Variants in ADAM12 observed in about 807,000 individuals in gnomAD.
ADAM12 encodes disintegrin and metalloproteinase domain-containing protein 12.
Under a neutral mutation model 106.4 loss-of-function variants are expected in ADAM12, and 70 were observed. The observed-to-expected ratio is 0.66, with a 90% CI of 0.54 to 0.80. ADAM12 has a LOEUF of 0.80. Among genes scored for constraint, ADAM12 ranks in the 30% least tolerant of loss-of-function variants. ADAM12 has a pLI of 0.00. For synonymous variants in ADAM12, 420 were observed against 433.5 expected, an observed-to-expected ratio of 0.97 and a Z score of 0.39; for missense variants, 1,010 against 1,171.9, an observed-to-expected ratio of 0.86 and a Z score of 2.02.
At chr10:126,020,992 C>CAAA (rs3067295) in intron 21 of ADAM12, among the ~76,000 whole-genome samples, 1,585 of 98,224 alleles carry the variant, frequency 0.016, 50 homozygotes, top group African/African-American at 0.028. Flanking sequence ...GACTCTGTCT[C>CAAA]AAAAAAAAAA....
intron 4 of ADAM12, among the ~76,000 whole-genome samples, chr10:126,141,697 G>C (rs11244833): frequency 0.21 from 32,538 of 152,124 alleles, 3,661 homozygotes; most frequent in South Asian, 0.3. Flanking sequence ...CAGTGGACTA[G>C]AAGGAAAGGC....
intron 1 of ADAM12, 62 bp downstream of exon 1, chr10:126,387,996 A>G: frequency 8.4e-7 from 1 of 1,186,714 alleles, no homozygotes; most frequent in Non-Finnish European, 1.0e-6. Context: ...CGGCGCGCCC[A>G]GGCGCAGCGT....
At chr10:126,307,624 T>G (rs1960907440) in intron 2 of ADAM12, among the ~76,000 whole-genome samples, 1 of 152,148 alleles carries the variant, frequency 6.6e-6, no homozygotes, top group Non-Finnish European at 1.5e-5. Flanking sequence ...CACCACAACC[T>G]CCGCCTCCCA....
At chr10:126,339,423 TG>T (rs1421511060) in intron 1 of ADAM12, among the ~76,000 whole-genome samples, 1 of 152,258 alleles carries the variant, frequency 6.6e-6, no homozygotes, top group East Asian at 1.9e-4. Context: ...GCCACGTGTC[TG>T]GATGACTGAC....
rs886937346 is a variant in ADAM12 at position 126,055,913 on chromosome 10, T to C, written c.1610-6244A>G. ...GCTTAGTGAGATTTCCCTTTAAAAC[T>C]GGGACAATGGAGGCAGGCAGCAGAT... is the stretch of plus-strand genomic sequence containing the variant. On this transcript the variant is annotated intron_variant, in intron 14 of 22. Coordinates refer to ENST00000448723, the MANE Select transcript of ADAM12 (RefSeq NM_001288973.2). Among the ~76,000 whole-genome samples, 4 of 152,204 alleles carry C rather than the reference T, an allele frequency of 2.6e-5. No individual in the cohort carries two copies. The South Asian group carries it at 8.3e-4, about 32-fold the overall frequency.
chr10:126,181,219 A>C (rs1288246866), intron 3 of ADAM12, among the ~76,000 whole-genome samples: 2 of 151,992 alleles, frequency 1.3e-5, no homozygotes, highest in African/African-American at 4.8e-5. Context: ...CTACAGGCAC[A>C]TACCACCATG....
chr10:126,386,530 G>A (rs1294961626), intron 1 of ADAM12, among the ~76,000 whole-genome samples: 2 of 151,976 alleles, frequency 1.3e-5, no homozygotes, highest in African/African-American at 4.8e-5. Context: ...AGGCCTCCCT[G>A]GTTTTCTATT....
intron 2 of ADAM12, among the ~76,000 whole-genome samples, chr10:126,295,530 A>AATACACACACACAC (rs541595906): frequency 4.7e-5 from 7 of 147,994 alleles, no homozygotes; most frequent in South Asian, 2.1e-4. Flanking sequence ...TTACCACAAA[A>AATACACACACACAC]ATACACACAC....
At chr10:126,019,990 C>T (rs939438949) in intron 21 of ADAM12, among the ~76,000 whole-genome samples, 165 bp from the exon 22 acceptor site, 2 of 152,132 alleles carry the variant, frequency 1.3e-5, no homozygotes, top group African/African-American at 4.8e-5. Flanking sequence ...CCAAAATTTT[C>T]TGTAACATTT....
rs769115498 is a variant in ADAM12 at position 126,036,235 on chromosome 10, G to A, written c.2440C>T (p.Arg814Ter). 3.2e-6 allele frequency: 5 copies of A among 1,551,478 alleles called. No individual in the cohort carries two copies. The highest frequency in any genetic ancestry group is 4.3e-5 in the Admixed American group (2 of 47,046). Residue 814 changes from arginine (R) to a stop codon, truncating the protein, a stop_gained, in exon 21 of 23, where the codon CGA becomes TGA. Coordinates refer to ENST00000448723, the MANE Select transcript of ADAM12 (RefSeq NM_001288973.2). LOFTEE classifies it high-confidence loss of function. ...LNVPQPQSTQRVLPPLHRAPR... is the reference protein window; with the variant it reads ...LNVPQPQSTQ ...GCCCGGTGGAGGGGAGGAAGCACTC[G>A]CTGAGTTGACTGGGGCTGAGGGACA...
chr10:126,347,346 G>A (rs111392080), intron 1 of ADAM12, among the ~76,000 whole-genome samples: 6,982 of 152,096 alleles, frequency 0.046, 547 homozygotes, highest in African/African-American at 0.16. Flanking sequence ...GTTGAATATC[G>A]GCCCCCACTC....
At chr10:126,090,523 A>G (rs1955443487) in intron 11 of ADAM12, among the ~76,000 whole-genome samples, 1 of 152,184 alleles carries the variant, frequency 6.6e-6, no homozygotes, top group South Asian at 2.1e-4. Flanking sequence ...TAATGGATAA[A>G]CTCAACTGAG....
chr10:126,296,525 A>T (rs148235847), intron 2 of ADAM12, among the ~76,000 whole-genome samples: 1 of 152,324 alleles, frequency 6.6e-6, no homozygotes, highest in African/African-American at 2.4e-5. Context: ...TTTGTGAGGG[A>T]CACACACCCC....
chr10:126,041,185 A>ATGTC (rs934116273), intron 18 of ADAM12, among the ~76,000 whole-genome samples: 3 of 151,766 alleles, frequency 2.0e-5, no homozygotes, highest in Non-Finnish European at 2.9e-5. Context: ...TTCTTGCTTA[A>ATGTC]TGTCTCTCCA....
intron 3 of ADAM12, among the ~76,000 whole-genome samples, chr10:126,259,311 G>A (rs937073672): frequency 5.9e-5 from 9 of 151,974 alleles, no homozygotes; most frequent in African/African-American, 9.7e-5. Context: ...TGATACAGAC[G>A]AAAAACCCTT....
At chr10:126,166,978 A>T (rs1165644870) in intron 3 of ADAM12, among the ~76,000 whole-genome samples, 5 of 152,230 alleles carry the variant, frequency 3.3e-5, no homozygotes, top group Non-Finnish European at 5.9e-5. Context: ...TAGATTTAGT[A>T]GGTCAGCTTA....
chr10:126,190,014 G>C (rs1957468551), intron 3 of ADAM12, among the ~76,000 whole-genome samples: 1 of 151,990 alleles, frequency 6.6e-6, no homozygotes, highest in South Asian at 2.1e-4. Flanking sequence ...ATTGTGAATG[G>C]GATCCTGAGC....
chr10:126,219,676 C>T (rs1043926843), intron 3 of ADAM12, among the ~76,000 whole-genome samples: 1 of 152,192 alleles, frequency 6.6e-6, no homozygotes, highest in South Asian at 2.1e-4. Flanking sequence ...ACTTTTCTCA[C>T]AAAGTTTAGG....
In ADAM12 at chr10:126,177,733, A is replaced by T. The variant is rs186495184; in HGVS notation, c.261-22428T>A. On this transcript the variant is annotated intron_variant, in intron 3 of 22. Coordinates refer to ENST00000448723, the MANE Select transcript of ADAM12 (RefSeq NM_001288973.2). ...AACAACAAAAAAATGAATCCAATGC[A>T]GTGAATTCAAGATAAAGTTAAATAA... Among the ~76,000 whole-genome samples, 41 of 152,382 alleles carry T rather than the reference A, an allele frequency of 2.7e-4. 1 individual carries two copies. The highest frequency in any genetic ancestry group is 1.6e-3 in the Admixed American group (25 of 15,308).
Sources: gnomAD v4.1 joint callset for allele counts (sites outside exome capture counted in the v4.1 genomes callset) on GRCh38, gnomAD v4.1.1 for gene constraint, MANE v1.5 for transcripts, NCBI Gene and HGNC (gene_info 2026-07-23, HGNC 2026-07-21) for gene names.